Variants in SNTG2 observed in about 807,000 individuals in gnomAD.
The protein encoded by SNTG2 is syntrophin gamma 2, also known as gamma-2-syntrophin.
A neutral mutation model predicts 70.9 loss-of-function variants in SNTG2; 74 were observed. That is an observed-to-expected ratio of 1.04 (90% CI 0.86 to 1.27). The LOEUF is 1.27. Ranked by LOEUF, SNTG2 falls within the 50% of genes most tolerant of loss-of-function variation. The probability of loss-of-function intolerance (pLI) is 0.00; values close to 1 mark genes in which losing one functional copy is unlikely to be tolerated. For synonymous variants in SNTG2, 278 were observed against 273.8 expected (o/e 1.02, Z -0.15); for missense variants, 717 against 690.7 (o/e 1.04, Z -0.43).
intron 9 of SNTG2, 97 bp downstream of exon 9, chr2:1,209,327 G>A (rs1465835619): frequency 2.1e-6 from 3 of 1,448,340 alleles, no homozygotes; most frequent in Non-Finnish European, 2.9e-6. Flanking sequence ...GCTTGACTGT[G>A]ACATTAGCAA....
chr2:1,339,953 C>A (rs969992501), intron 16 of SNTG2, among the ~76,000 whole-genome samples: 1 of 152,216 alleles, frequency 6.6e-6, no homozygotes, highest in Non-Finnish European at 1.5e-5. Context: ...ACCGTCCGCT[C>A]ACTGGCCGCA....
chr2:1,131,559 TC>T (rs2148314320), intron 4 of SNTG2, among the ~76,000 whole-genome samples: 1 of 152,280 alleles, frequency 6.6e-6, no homozygotes, highest in Non-Finnish European at 1.5e-5. Flanking sequence ...GTGTAAAGTT[TC>T]AGAGAAAATG....
chr2:1,323,518 G>A (rs1194237963), intron 16 of SNTG2, among the ~76,000 whole-genome samples: 1 of 114,270 alleles, frequency 8.8e-6, no homozygotes, highest in Non-Finnish European at 1.9e-5. Flanking sequence ...CCCCCTGTAG[G>A]CTGGGACATG....
intron 6 of SNTG2, among the ~76,000 whole-genome samples, chr2:1,156,351 G>A (rs1337799314): frequency 1.3e-5 from 2 of 152,076 alleles, no homozygotes; most frequent in South Asian, 2.1e-4. Flanking sequence ...ACGGCAAGTC[G>A]GCAGATCAGG....
chr2:1,073,332 A>G (rs1272421718), intron 1 of SNTG2, among the ~76,000 whole-genome samples: 1 of 152,256 alleles, frequency 6.6e-6, no homozygotes, highest in African/African-American at 2.4e-5. Flanking sequence ...TTCAACCTTC[A>G]GCAGCCACCA....
At chr2:1,366,042 A>G (rs1661462207) in intron 16 of SNTG2, among the ~76,000 whole-genome samples, 1 of 71,144 alleles carries the variant, frequency 1.4e-5, no homozygotes, top group Admixed American at 1.7e-4. Context: ...TGTGGAACTG[A>G]CAGGCCTTAG....
At chr2:1,358,743 T>G (rs1660986442) in intron 16 of SNTG2, among the ~76,000 whole-genome samples, 1 of 152,184 alleles carries the variant, frequency 6.6e-6, no homozygotes, top group Admixed American at 6.5e-5. Flanking sequence ...CTTCTTATAT[T>G]TGTTAATATG....
At chr2:1,112,145 C>G (rs1378616947) in intron 4 of SNTG2, among the ~76,000 whole-genome samples, 3 of 151,202 alleles carry the variant, frequency 2.0e-5, no homozygotes, top group Non-Finnish European at 2.9e-5. Context: ...GAGGTTTAAG[C>G]CTTACACTGC....
chr2:1,046,431 T>A (rs1440770907), intron 1 of SNTG2, among the ~76,000 whole-genome samples: 1 of 152,136 alleles, frequency 6.6e-6, no homozygotes, highest in Non-Finnish European at 1.5e-5. Context: ...TAGATTTGAT[T>A]GAATAGTTGC....
rs553840550 is a variant in SNTG2 at position 1,117,123 on chromosome 2, G to C, written c.325+18713G>C. On this transcript the variant is annotated intron_variant, in intron 4 of 16. Transcript: ENST00000308624. ...TGCCCCGGTGTACGGGTGCTCTTGTGTGTAGGTGCTCTGGTGCGTGGGTGC... is the reference window on the plus strand; with the variant it reads ...TGCCCCGGTGTACGGGTGCTCTTGTCTGTAGGTGCTCTGGTGCGTGGGTGC... Among the ~76,000 whole-genome samples the C allele has an allele frequency of 4.1e-4, 63 of 152,002 alleles. No homozygotes were observed. The South Asian group carries it at 0.013, about 31-fold the overall frequency.
At chr2:955,263 T>C in intron 1 of SNTG2, among the ~76,000 whole-genome samples, 1 of 152,238 alleles carries the variant, frequency 6.6e-6, no homozygotes, top group East Asian at 1.9e-4. Flanking sequence ...CCCTCCACTG[T>C]CAAGATTCTG....
chr2:1,283,959 C>T (rs1463353318), intron 14 of SNTG2, among the ~76,000 whole-genome samples: 1 of 152,146 alleles, frequency 6.6e-6, no homozygotes, highest in Non-Finnish European at 1.5e-5. Context: ...TTATGTTTGA[C>T]AGCTTTAAAC....
In SNTG2 at chr2:1,141,710, A is replaced by T. The variant is rs993895258; in HGVS notation, c.411+3901A>T. Among the ~76,000 whole-genome samples, 3 of 152,164 alleles carry T rather than the reference A, an allele frequency of 2.0e-5. No individual in the cohort carries two copies. In the South Asian group the frequency reaches 6.2e-4, roughly 32 times the overall value. Reference sequence around the variant, plus strand: ...TAGGATGTCCAGTCACCCAACCATGATGGGCCTGAATCCAGGGGTCCAGAC... The same window carrying T: ...TAGGATGTCCAGTCACCCAACCATGTTGGGCCTGAATCCAGGGGTCCAGAC... On this transcript the variant is annotated intron_variant, in intron 6 of 16. Coordinates refer to ENST00000308624, the MANE Select transcript of SNTG2 (RefSeq NM_018968.4).
chr2:1,302,848 CAGATAAAGG>C (rs1260493721), intron 14 of SNTG2, among the ~76,000 whole-genome samples: 1 of 152,074 alleles, frequency 6.6e-6, no homozygotes. Flanking sequence ...GCCCTATTAT[CAGATAAAGG>C]AGACTTCAGA....
At chr2:1,113,620 CTAAG>C (rs1212265965) in intron 4 of SNTG2, among the ~76,000 whole-genome samples, 3 of 151,026 alleles carry the variant, frequency 2.0e-5, no homozygotes, top group South Asian at 2.1e-4. Context: ...ATCGTGTGTA[CTAAG>C]TGAGGTTTAA....
At chr2:1,132,587 C>G (rs938490869) in intron 4 of SNTG2, among the ~76,000 whole-genome samples, 6 of 152,200 alleles carry the variant, frequency 3.9e-5, no homozygotes, top group South Asian at 2.1e-4. Flanking sequence ...GATTCTGTTT[C>G]TAGGTTGTCT....
rs567429746 is a variant in SNTG2, at chr2:1,063,096, T to A, written c.73-20422T>A. On this transcript the variant is annotated intron_variant, in intron 1 of 16. Coordinates refer to ENST00000308624, the MANE Select transcript of SNTG2 (RefSeq NM_018968.4). ...AGTAGCAAGAGACTGTAGTAACCAC[T>A]GTAAACCATGACTACACATAGATAA... Among the ~76,000 whole-genome samples the A allele has an allele frequency of 2.0e-5, 3 of 152,376 alleles. No individual in the cohort carries two copies. The South Asian group carries it at 6.2e-4, about 32-fold the overall frequency.
intron 1 of SNTG2, among the ~76,000 whole-genome samples, chr2:1,067,523 T>C (rs1663236143): frequency 6.6e-6 from 1 of 152,232 alleles, no homozygotes; most frequent in Non-Finnish European, 1.5e-5. Flanking sequence ...CTAATATCTT[T>C]TTTCTTAAAT....
chr2:996,234 G>A (rs1291079211), intron 1 of SNTG2, among the ~76,000 whole-genome samples: 1 of 152,090 alleles, frequency 6.6e-6, no homozygotes, highest in Non-Finnish European at 1.5e-5. Context: ...TTGACAATTA[G>A]GTAGTTTTCA....
Sources: gnomAD v4.1 joint callset for allele counts (sites outside exome capture counted in the v4.1 genomes callset) on GRCh38, gnomAD v4.1.1 for gene constraint, MANE v1.5 for transcripts, NCBI Gene and HGNC (gene_info 2026-07-23, HGNC 2026-07-21) for gene names.